Variants in SCNN1A observed in about 807,000 individuals in gnomAD.
SCNN1A encodes sodium channel epithelial 1 subunit alpha.
In SCNN1A, 65 loss-of-function variants were observed where a neutral mutation model predicts 68.6. The ratio of observed to expected loss-of-function variants is 0.95; its 90% CI spans 0.78 to 1.16. The LOEUF is 1.16. SCNN1A is among the 50% of genes most tolerant of loss of function. The pLI is 0.00. For synonymous variants in SCNN1A, 357 were observed against 353.3 expected (o/e 1.01, Z -0.12); for missense variants, 880 against 865.9 (o/e 1.02, Z -0.20).
At chr12:6,373,644 A>G (rs930881468) in intron 2 of SCNN1A, among the ~76,000 whole-genome samples, 1 of 152,164 alleles carries the variant, frequency 6.6e-6, no homozygotes, top group African/African-American at 2.4e-5. Flanking sequence ...ACATTGGCAA[A>G]GAGCACCGAT....
chr12:6,350,291 G>A (rs1383882798), intron 8 of SCNN1A, among the ~76,000 whole-genome samples: 2 of 151,360 alleles, frequency 1.3e-5, no homozygotes, highest in African/African-American at 4.8e-5. Flanking sequence ...AATTAGCCGG[G>A]CGTGGTGGCG....
At chr12:6,349,054 C>G in intron 10 of SCNN1A, 49 bp from the exon 11 acceptor site, 1 of 1,608,742 alleles carries the variant, frequency 6.2e-7, no homozygotes, top group Non-Finnish European at 8.5e-7. Context: ...ATGCTTCAGG[C>G]TTACAGGGAT....
At position 6,349,205 on chromosome 12, in the gene SCNN1A, G is replaced by C; in HGVS notation, c.1456C>G (p.Leu486Val). Reference protein sequence around the residue: ...RKPCSVTSYQLSAGYSRWPSV... With the variant: ...RKPCSVTSYQVSAGYSRWPSV... ...GGCCATCGTGAGTAACCAGCAGAGA[G>C]CTGGTAGCTGGTCACGCTGGGGATG... The change falls in exon 10 of 13, where the codon CTC (leucine) becomes GTC (valine). Residue 486 changes from leucine to valine, a missense_variant. Leu to Val is a conservative substitution (Grantham distance 32). This residue lies in a region of SCNN1A where 758 missense variants were observed against 721.8 expected (regional missense o/e 1.05). Transcript: ENST00000228916. 6.2e-7 allele frequency: 1 copy of C among 1,614,168 alleles called. No homozygotes were observed. Among genetic ancestry groups the C allele is most frequent in the Non-Finnish European group, 8.5e-7 (1 of 1,180,018 alleles).
intron 8 of SCNN1A, among the ~76,000 whole-genome samples, chr12:6,353,187 A>G (rs990181114): frequency 9.2e-5 from 14 of 152,212 alleles, no homozygotes; most frequent in African/African-American, 3.4e-4. Context: ...TAAGGAGGAG[A>G]TTCCAAGGTG....
Position 6,347,797 on chromosome 12 carries a change from C to T in SCNN1A, c.*76G>A, listed in dbSNP as rs183604895. ...GGCTCTGAGAGGAAGCCCTGCACATCCTTCAATCTTGCCAGGGCCAGCACC... is the reference window on the plus strand; with the variant it reads ...GGCTCTGAGAGGAAGCCCTGCACATTCTTCAATCTTGCCAGGGCCAGCACC... On this transcript the variant is annotated 3_prime_UTR_variant, in exon 13 of 13. Transcript: ENST00000228916. The T allele has an allele frequency of 5.0e-5, 65 of 1,297,924 alleles. No homozygotes were observed. The African/African-American group carries it at 8.6e-4, about 17-fold the overall frequency. The allele number at this position is 1,297,924 out of a possible 1,614,324, so 80.4% of individuals were successfully genotyped here. A position where few individuals can be genotyped will look rare whatever the true frequency, so the allele number is the denominator to read the frequency against.
chr12:6,350,843 A>T (rs1312515482), intron 8 of SCNN1A, among the ~76,000 whole-genome samples: 6 of 143,068 alleles, frequency 4.2e-5, no homozygotes, highest in East Asian at 1.9e-4. Flanking sequence ...CTCAAAATAA[A>T]TAATAAATAA....
rs140175017 is a variant in SCNN1A at position 6,348,111 on chromosome 12, C to T, written c.1772G>A (p.Arg591Gln). ...GCCCCCTCGGCCTGGAGACCAGTAT[C>T]GGCTTCGGAACCTTCGGAGCAGCAT... The part of the protein sequence containing the change: ...FLMLLRRFRS[R>Q]YWSPGRGGRG... Residue 591 changes from arginine (R) to glutamine (Q), a missense_variant, in exon 13 of 13, where the codon CGA (arginine) becomes CAA (glutamine). Arg to Gln is a conservative substitution (Grantham distance 43). Transcript: ENST00000228916. 1.7e-4 allele frequency: 281 copies of T among 1,614,170 alleles called. No individual in the cohort carries two copies. The highest frequency in any genetic ancestry group is 6.6e-4 in the Middle Eastern group (4 of 6,060).
At chr12:6,375,770 G>A (rs1948896232), upstream of SCNN1A, 7 of 1,406,432 alleles carry the variant, frequency 5.0e-6, no homozygotes, top group Non-Finnish European at 5.5e-6. Flanking sequence ...CAGGTGAGGG[G>A]CAAAGATCTG....
In SCNN1A at chr12:6,373,261, G is replaced by A. The variant is rs530954631; in HGVS notation, c.416+1107C>T. On this transcript the variant is annotated intron_variant, in intron 2 of 12. Transcript: ENST00000228916. Reference sequence around the variant, plus strand: ...TGACCAATCCCCAGCATCCAAAATCGCACACATACCAATATGTGCACACAC... The same window carrying A: ...TGACCAATCCCCAGCATCCAAAATCACACACATACCAATATGTGCACACAC... Among the ~76,000 whole-genome samples, 24 of 151,854 alleles carry A rather than the reference G, an allele frequency of 1.6e-4. No homozygotes were observed. In the South Asian group the frequency reaches 3.1e-3, roughly 20 times the overall value.
intron 11 of SCNN1A, 61 bp from the exon 12 acceptor site, chr12:6,348,863 C>T: frequency 6.2e-7 from 1 of 1,603,604 alleles, no homozygotes. Context: ...GGACCTTCCT[C>T]TAATCAACCA....
chr12:6,355,214 C>T (rs1420583942), intron 6 of SCNN1A, 58 bp downstream of exon 6: 13 of 1,570,548 alleles, frequency 8.3e-6, no homozygotes, highest in Non-Finnish European at 8.7e-6. Context: ...CCATGCCTCC[C>T]CGCTGCCCCT....
rs761663786 is a variant in SCNN1A at position 6,347,878 on chromosome 12, G to GC, written c.2004dup (p.Pro669AlafsTer62). The GC allele has an allele frequency of 5.6e-4, 892 of 1,597,698 alleles. No individual in the cohort carries two copies. Among genetic ancestry groups the GC allele is most frequent in the Non-Finnish European group, 6.0e-4 (705 of 1,171,236 alleles). On this transcript the variant is annotated frameshift_variant, in exon 13 of 13. Coordinates refer to ENST00000228916, the MANE Select transcript of SCNN1A (RefSeq NM_001038.6). LOFTEE classifies it high-confidence loss of function. Reference sequence around the variant, plus strand: ...GAGAAACCTCTCCTTCCCTCTCAGGGCCCCCCCAGAGGACAGGTGGAGGAA... The same window carrying GC: ...GAGAAACCTCTCCTTCCCTCTCAGGGCCCCCCCCAGAGGACAGGTGGAGGAA...
intron 8 of SCNN1A, among the ~76,000 whole-genome samples, chr12:6,353,252 G>T (rs556667282): frequency 6.6e-6 from 1 of 152,192 alleles, no homozygotes; most frequent in South Asian, 2.1e-4. Flanking sequence ...TCTTAAACAG[G>T]TCCAATACAT....
Position 6,348,206 on chromosome 12 carries a change from G to C in SCNN1A, c.1677C>G (p.Phe559Leu). ...CCACCACAGACAACACCGAGGAGCC[G>C]AACCACAGGCTCCACTGGCTGCCCA... ...SNLGSQWSLW[F>L]GSSVLSVVEM... Residue 559 changes from phenylalanine to leucine, a missense_variant, in exon 13 of 13, where the codon TTC (phenylalanine) becomes TTG (leucine). Transcript: ENST00000228916. 6.2e-7 allele frequency: 1 copy of C among 1,614,118 alleles called. No individual in the cohort carries two copies. Among genetic ancestry groups the C allele is most frequent in the Non-Finnish European group, 8.5e-7 (1 of 1,180,024 alleles).
In SCNN1A at chr12:6,347,454, G is replaced by A. The variant is rs1229737140; in HGVS notation, c.*419C>T. On this transcript the variant is annotated 3_prime_UTR_variant, in exon 13 of 13. Coordinates refer to ENST00000228916, the MANE Select transcript of SCNN1A (RefSeq NM_001038.6). ...GGAGAGCAGTGTGGCCAGGCCAGTC[G>A]GGGGCTGGCTTAAGCCGTCGCTGGG... The A allele has an allele frequency of 1.4e-5, 3 of 213,646 alleles. No individual in the cohort carries two copies. The highest frequency in any genetic ancestry group is 7.4e-5 in the South Asian group (1 of 13,464). The allele number at this position is 213,646 out of a possible 1,614,324, so 13.2% of individuals were successfully genotyped here. A position where few individuals can be genotyped will look rare whatever the true frequency, so the allele number is the denominator to read the frequency against.
At chr12:6,348,690 C>T (rs72657547) in intron 12 of SCNN1A, 37 bp downstream of exon 12, 164 of 1,563,414 alleles carry the variant, frequency 1.0e-4, no homozygotes, top group South Asian at 2.2e-4. Flanking sequence ...AAGTAAGACC[C>T]CCAGAGCATC....
intron 2 of SCNN1A, 184 bp from the exon 3 acceptor site, chr12:6,363,894 C>T (rs974988756): frequency 2.7e-4 from 88 of 324,392 alleles, no homozygotes; most frequent in Non-Finnish European, 4.3e-4. Flanking sequence ...GTGTGTCCGC[C>T]GGGAAGGCGG....
chr12:6,367,059 G>A (rs1217043777), intron 2 of SCNN1A, among the ~76,000 whole-genome samples: 1 of 152,074 alleles, frequency 6.6e-6, no homozygotes, highest in Non-Finnish European at 1.5e-5. Flanking sequence ...GCAACACGAC[G>A]AAACCTTGTA....
intron 2 of SCNN1A, among the ~76,000 whole-genome samples, chr12:6,367,334 T>G (rs2136895329): frequency 6.6e-6 from 1 of 152,304 alleles, no homozygotes; most frequent in African/African-American, 2.4e-5. Context: ...ATTTAATTGT[T>G]AAAAGAAGAA....
Sources: gnomAD v4.1 joint callset for allele counts (sites outside exome capture counted in the v4.1 genomes callset) on GRCh38, gnomAD v4.1.1 for gene constraint, gnomAD v4.1.1 regional missense constraint, MANE v1.5 for transcripts, NCBI Gene and HGNC (gene_info 2026-07-23, HGNC 2026-07-21) for gene names.